The following CHAF1B variants were observed in gnomAD, a reference collection of about 807,000 sequenced individuals.
The protein encoded by CHAF1B is chromatin assembly factor 1 subunit B.
CHAF1B carries 10 observed loss-of-function variants against 60.7 expected under a neutral mutation model. The observed-to-expected ratio is 0.16, with a 90% confidence interval of 0.10 to 0.28. CHAF1B has a LOEUF of 0.28. CHAF1B is among the 10% of genes least tolerant of loss of function. The probability of loss-of-function intolerance (pLI) is 1.00; values close to 1 mark genes in which losing one functional copy is unlikely to be tolerated. For synonymous variants in CHAF1B, 261 were observed against 266.1 expected (o/e 0.98, Z 0.19); for missense variants, 558 against 708.4 (o/e 0.79, Z 2.41).
chr21:36,406,493 C>T (rs2086239089), intron 8 of CHAF1B, among the ~76,000 whole-genome samples: 1 of 151,984 alleles, frequency 6.6e-6, no homozygotes, highest in Non-Finnish European at 1.5e-5. Flanking sequence ...ACCATGTTGG[C>T]CAGGGTGGTC....
chr21:36,389,800 T>TGTGCGCGCGCGCGCGCGCGCGCGC, intron 3 of CHAF1B, among the ~76,000 whole-genome samples: 1 of 124,746 alleles, frequency 8.0e-6, no homozygotes, highest in African/African-American at 3.5e-5. Context: ...TGTGTGTGTG[T>TGTGCGCGCGCGCGCGCGCGCGCGC]GCGCGCGCAC....
intron 3 of CHAF1B, among the ~76,000 whole-genome samples, chr21:36,390,295 T>G (rs1260667130): frequency 7.0e-6 from 1 of 142,650 alleles, no homozygotes; most frequent in African/African-American, 2.7e-5. Context: ...ATTGCACCAT[T>G]GCACTCCAGC....
chr21:36,407,186 C>T (rs180751679), intron 8 of CHAF1B, among the ~76,000 whole-genome samples: 204 of 152,104 alleles, frequency 1.3e-3, no homozygotes, highest in Non-Finnish European at 2.4e-3. Context: ...CCTGTAATCC[C>T]AGCTACTCAA....
rs1161266460 is a variant in CHAF1B, at chr21:36,418,321, T to A, written c.*1955T>A. ...GCCACCGCGCCCAGCCGAAAGCATT[T>A]TCTTGATTATCTCTGCCCCGTCACT... On this transcript the variant is annotated 3_prime_UTR_variant, in exon 14 of 14. Transcript: ENST00000314103. 1 of 152,134 alleles carries A rather than the reference T, an allele frequency of 6.6e-6. No individual in the cohort carries two copies. The highest frequency in any genetic ancestry group is 1.5e-5 in the Non-Finnish European group (1 of 68,156). 9.4% of individuals were successfully genotyped at this position (152,134 alleles called of 1,614,324 possible).
At chr21:36,393,977 G>A (rs2086115717) in intron 4 of CHAF1B, among the ~76,000 whole-genome samples, 1 of 151,908 alleles carries the variant, frequency 6.6e-6, no homozygotes, top group Non-Finnish European at 1.5e-5. Flanking sequence ...TTGGCTCACT[G>A]CAATCTCTGC....
chr21:36,411,452 C>G lies in CHAF1B; in HGVS notation c.920-11C>G, dbSNP rs536921780. The stretch of plus-strand genomic sequence containing the variant: ...CTGTGGTTTTACTTTGTCTCTGTCC[C>G]CAACCCCCAGGTGTGGAGCTGATGA... On this transcript the variant is annotated splice_polypyrimidine_tract_variant and intron_variant, in intron 10 of 13. Transcript: ENST00000314103. 1.9e-6 allele frequency: 3 copies of G among 1,613,206 alleles called. No homozygotes were observed. The highest frequency in any genetic ancestry group is 2.7e-5 in the African/African-American group (2 of 74,946).
At chr21:36,391,907 A>ATTTTTTTTTTTTTTT (rs55920360) in intron 4 of CHAF1B, among the ~76,000 whole-genome samples, 6 of 67,040 alleles carry the variant, frequency 8.9e-5, no homozygotes, top group African/African-American at 2.4e-4. Context: ...TGATTTTTAA[A>ATTTTTTTTTTTTTTT]TTTTTTTTTT....
intron 7 of CHAF1B, 152 bp downstream of exon 7, chr21:36,399,757 A>C (rs1213803869): frequency 7.6e-6 from 5 of 660,446 alleles, no homozygotes; most frequent in Non-Finnish European, 1.3e-5. Flanking sequence ...GTCAAGGCTC[A>C]GTTACTGTGG....
At chr21:36,412,379 TG>T (rs2086284738) in intron 11 of CHAF1B, among the ~76,000 whole-genome samples, 1 of 151,682 alleles carries the variant, frequency 6.6e-6, no homozygotes, top group Non-Finnish European at 1.5e-5. Context: ...GTTTTTTTTT[TG>T]AAACAGAGTC....
intron 11 of CHAF1B, 137 bp downstream of exon 11, chr21:36,411,741 T>G (rs1380012253): frequency 5.7e-6 from 6 of 1,061,602 alleles, no homozygotes; most frequent in Non-Finnish European, 8.2e-6. Context: ...TCTTATTTAT[T>G]TTTTTGAGAC....
At chr21:36,394,258 G>A (rs577177011) in intron 4 of CHAF1B, among the ~76,000 whole-genome samples, 1 of 152,184 alleles carries the variant, frequency 6.6e-6, no homozygotes, top group South Asian at 2.1e-4. Flanking sequence ...TTGTATTTTA[G>A]TAGAGACGTG....
intron 8 of CHAF1B, among the ~76,000 whole-genome samples, chr21:36,403,406 G>A (rs910081874): frequency 3.0e-5 from 4 of 134,922 alleles, no homozygotes; most frequent in South Asian, 4.7e-4. Context: ...GCAGTGAGCC[G>A]AGATCACACC....
In CHAF1B at chr21:36,412,888, A is replaced by G; in HGVS notation, c.1066A>G (p.Ser356Gly). Residue 356 changes from serine (S) to glycine (G), a missense_variant, in exon 12 of 14, where the codon AGC becomes GGC. Physicochemically the swap from Ser to Gly is moderately conservative, Grantham distance 56. Coordinates refer to ENST00000314103, the MANE Select transcript of CHAF1B (RefSeq NM_005441.3). ...YHTLSDISWS[S>G]DGAFLAISST... The stretch of plus-strand genomic sequence containing the variant: ...TTCCCTGTTTTGGGGACGAAGGTCC[A>G]GCGATGGTGCCTTCCTGGCCATTTC... 6.2e-7 allele frequency: 1 copy of G among 1,612,624 alleles called. No homozygotes were observed. The highest frequency in any genetic ancestry group is 1.3e-5 in the African/African-American group (1 of 74,968).
intron 7 of CHAF1B, among the ~76,000 whole-genome samples, chr21:36,401,205 T>G (rs1200847954): frequency 1.3e-5 from 2 of 151,322 alleles, no homozygotes; most frequent in Non-Finnish European, 2.9e-5. Flanking sequence ...AGGTGGAGTT[T>G]GCGGTGAGCC....
In CHAF1B at chr21:36,386,253, C is replaced by G. The variant is rs764534792; in HGVS notation, c.117C>G (p.Thr39=). 5 of 1,614,030 alleles carry G rather than the reference C, an allele frequency of 3.1e-6. No individual in the cohort carries two copies. In the South Asian group the frequency reaches 5.5e-5, roughly 18 times the overall value. Residue 39 remains threonine (T), a synonymous_variant, in exon 2 of 14, where the codon ACC becomes ACG. Transcript: ENST00000314103. ...IHRLASAGVD[T]NVRIWKVEKG... ...GACTGGCGTCTGCCGGCGTGGACACCAATGTCAGGGTAAACTGGGGCAGAG... is the reference window on the plus strand; with the variant it reads ...GACTGGCGTCTGCCGGCGTGGACACGAATGTCAGGGTAAACTGGGGCAGAG...
Position 36,394,627 on chromosome 21 carries a change from C to T in CHAF1B, c.458C>T (p.Ala153Val). The T allele has an allele frequency of 1.2e-6, 2 of 1,609,676 alleles. No homozygotes were observed. The highest frequency in any genetic ancestry group is 8.5e-7 in the Non-Finnish European group (1 of 1,176,382). ...LMASASVDNT[A>V]IIWDVSKGQK... ...GCTTCTGCCTCTGTGGATAACACAG[C>T]CATCATATGGGATGTCAGCAAAGGT... Residue 153 changes from alanine (A) to valine (V), a missense_variant, in exon 5 of 14, where the codon GCC becomes GTC. Coordinates refer to ENST00000314103, the MANE Select transcript of CHAF1B (RefSeq NM_005441.3).
chr21:36,389,759 A>ATG (rs1555911822), intron 3 of CHAF1B, among the ~76,000 whole-genome samples: 12,765 of 125,684 alleles, frequency 0.1, 711 homozygotes, highest in Non-Finnish European at 0.12. Flanking sequence ...GCATGAAGGG[A>ATG]TGTGTGTGTG....
chr21:36,405,334 G>A (rs773922596), intron 8 of CHAF1B, among the ~76,000 whole-genome samples: 12 of 152,024 alleles, frequency 7.9e-5, no homozygotes, highest in African/African-American at 2.2e-4. Context: ...CCTATCTTTC[G>A]TCTATATTGG....
intron 3 of CHAF1B, chr21:36,388,808 GC>G (rs2086058237): frequency 6.6e-6 from 1 of 152,202 alleles, no homozygotes. Context: ...AAAGAATTCA[GC>G]AATGGCAAAG....
Sources: gnomAD v4.1 joint callset for allele counts (sites outside exome capture counted in the v4.1 genomes callset) on GRCh38, gnomAD v4.1.1 for gene constraint, MANE v1.5 for transcripts, NCBI Gene and HGNC (gene_info 2026-07-23, HGNC 2026-07-21) for gene names.